Variants in PLPPR5 observed in about 807,000 individuals in gnomAD.
The protein encoded by PLPPR5 is phospholipid phosphatase related 5, also known as phospholipid phosphatase-related protein type 5.
Under a neutral mutation model 33.9 loss-of-function variants are expected in PLPPR5, and 16 were observed. The ratio of observed to expected loss-of-function variants is 0.47; its 90% confidence interval spans 0.32 to 0.72. The LOEUF is 0.72. Ranked by LOEUF, PLPPR5 falls within the 30% of genes least tolerant of loss-of-function variation. The pLI is 0.03. For missense variants in PLPPR5, 301 were observed against 406.7 expected, an observed-to-expected ratio of 0.74 and a Z score of 2.23; for synonymous variants, 163 against 150.3, an observed-to-expected ratio of 1.08 and a Z score of -0.62.
chr1:98,957,217 G>C (rs142139969), intron 1 of PLPPR5, among the ~76,000 whole-genome samples: 1 of 146,808 alleles, frequency 6.8e-6, no homozygotes, highest in Non-Finnish European at 1.5e-5. Context: ...GGATAGCATT[G>C]GGAGATATAC....
chr1:98,895,725 T>G (rs1215639307), intron 5 of PLPPR5, among the ~76,000 whole-genome samples: 4 of 152,056 alleles, frequency 2.6e-5, no homozygotes, highest in African/African-American at 9.7e-5. Context: ...CCATTTCACA[T>G]CACTTAAGTT....
intron 3 of PLPPR5, among the ~76,000 whole-genome samples, chr1:98,931,949 T>C (rs1336821257): frequency 1.3e-5 from 2 of 152,102 alleles, no homozygotes; most frequent in Non-Finnish European, 2.9e-5. Context: ...GACTGGAATA[T>C]TTAGGATGTT....
intron 3 of PLPPR5, among the ~76,000 whole-genome samples, chr1:98,949,580 C>T (rs1570725293): frequency 6.6e-6 from 1 of 152,138 alleles, no homozygotes; most frequent in South Asian, 2.1e-4. Flanking sequence ...GAATATATGG[C>T]TGTTTTCTAT....
chr1:98,942,928 G>A (rs562886251), intron 3 of PLPPR5, among the ~76,000 whole-genome samples: 14 of 152,068 alleles, frequency 9.2e-5, no homozygotes, highest in African/African-American at 3.4e-4. Flanking sequence ...ACAAAGCTGG[G>A]TGTCTTAATA....
At position 99,004,527 on chromosome 1, in the gene PLPPR5, C is replaced by T. The variant is rs771583208; in HGVS notation, c.145G>A (p.Ala49Thr). 2.5e-6 allele frequency: 4 copies of T among 1,613,046 alleles called. No individual in the cohort carries two copies. Among genetic ancestry groups the T allele is most frequent in the East Asian group, 4.5e-5 (2 of 44,836 alleles). The change falls in exon 1 of 6, where the codon GCC (alanine) becomes ACC (threonine). Residue 49 changes from alanine (A) to threonine (T), a missense_variant. By Grantham distance (58) the Ala-to-Thr change is moderately conservative (BLOSUM62 0). Coordinates refer to ENST00000263177, the MANE Select transcript of PLPPR5 (RefSeq NM_001037317.2). ...GGGCCCGGGTAGGGTTTGCGGTAGG[C>T]GCTGTCGTGGCAGAAGAAGCCCTGC... ...NVQGFFCHDS[A>T]YRKPYPGPED... is the part of the protein sequence containing the mutation.
intron 3 of PLPPR5, among the ~76,000 whole-genome samples, chr1:98,952,262 CAGAAAAAA>C (rs765935820): frequency 1.1e-4 from 12 of 113,058 alleles, no homozygotes; most frequent in Admixed American, 3.8e-4. Flanking sequence ...GACTCCGTCT[CAGAAAAAA>C]AAAAAAAAAA....
intron 1 of PLPPR5, among the ~76,000 whole-genome samples, chr1:98,979,757 C>T (rs1413623051): frequency 2.0e-5 from 3 of 151,996 alleles, no homozygotes; most frequent in African/African-American, 7.2e-5. Context: ...CATCTCACCA[C>T]CATGTTCTAT....
intron 2 of PLPPR5, among the ~76,000 whole-genome samples, chr1:98,953,967 A>C (rs1244600901): frequency 2.0e-5 from 3 of 152,162 alleles, no homozygotes; most frequent in African/African-American, 7.2e-5. Flanking sequence ...TCTTATATGG[A>C]CTGGCTTCCA....
At chr1:99,000,070 T>C (rs1301874651) in intron 1 of PLPPR5, among the ~76,000 whole-genome samples, 3 of 152,172 alleles carry the variant, frequency 2.0e-5, no homozygotes. Context: ...ACCACTGTCA[T>C]CACCAGTTCT....
rs1189399595 is a variant in PLPPR5, at chr1:99,004,408, G to A, written c.237+27C>T. Reference sequence around the variant, plus strand: ...CGAGGGGCGAGATCAGGGACTCGGCGACGAGGGCGAGCGCCCCCGGGCTTA... The same window carrying A: ...CGAGGGGCGAGATCAGGGACTCGGCAACGAGGGCGAGCGCCCCCGGGCTTA... On this transcript the variant is annotated intron_variant, in intron 1 of 5. Coordinates refer to ENST00000263177, the MANE Select transcript of PLPPR5 (RefSeq NM_001037317.2). 2.6e-6 allele frequency: 4 copies of A among 1,557,528 alleles called. No homozygotes were observed. In the African/African-American group the frequency reaches 4.1e-5, roughly 16 times the overall value.
chr1:98,919,235 G>C (rs1037484586), intron 4 of PLPPR5, among the ~76,000 whole-genome samples: 5 of 152,168 alleles, frequency 3.3e-5, no homozygotes, highest in Non-Finnish European at 7.3e-5. Context: ...ACAAGACATG[G>C]AAGAAATATT....
chr1:98,945,322 TAAGAC>T (rs1294461749), intron 3 of PLPPR5, among the ~76,000 whole-genome samples: 1 of 152,208 alleles, frequency 6.6e-6, no homozygotes, highest in Non-Finnish European at 1.5e-5. Context: ...AAATAGGACA[TAAGAC>T]AGGAATTTCT....
At chr1:98,998,438 A>T (rs1186230613) in intron 1 of PLPPR5, among the ~76,000 whole-genome samples, 5 of 152,264 alleles carry the variant, frequency 3.3e-5, no homozygotes, top group African/African-American at 1.2e-4. Flanking sequence ...TTCTGCTGCC[A>T]CCTACTCCTC....
rs1352527791 is a variant in PLPPR5 at position 98,890,300 on chromosome 1, A to G, written c.*2772T>C. On this transcript the variant is annotated 3_prime_UTR_variant, in exon 6 of 6. Transcript: ENST00000263177. ...ATTTGAAAAATACAATACACAGCAG[A>G]GAATTATTTCCTCCCCTACTGTTCT... 6.6e-6 allele frequency: 1 copy of G among 152,536 alleles called. No homozygotes were observed. The highest frequency in any genetic ancestry group is 1.5e-5 in the Non-Finnish European group (1 of 68,020). The allele number at this position is 152,536 out of a possible 1,614,324, so 9.4% of individuals were successfully genotyped here.
Position 98,921,990 on chromosome 1 carries a change from T to A in PLPPR5, c.690A>T (p.Leu230Phe), listed in dbSNP as rs974055345. 31 of 1,613,744 alleles carry A rather than the reference T, an allele frequency of 1.9e-5. No individual in the cohort carries two copies. The highest frequency in any genetic ancestry group is 2.6e-5 in the Non-Finnish European group (31 of 1,179,966). The change falls in exon 4 of 6, where the codon TTA becomes TTT. Residue 230 changes from leucine to phenylalanine, a missense_variant. Coordinates refer to ENST00000263177, the MANE Select transcript of PLPPR5 (RefSeq NM_001037317.2). ...RLAKPVLCLG[L>F]MCLAFLTGLN... is the part of the protein sequence containing the mutation. ...GTCCAGTAAGAAATGCCAAACACAT[T>A]AAGCCCAAGCATAGAACTGGCTTAG...
At chr1:98,942,721 G>A (rs1650421701) in intron 3 of PLPPR5, among the ~76,000 whole-genome samples, 1 of 152,144 alleles carries the variant, frequency 6.6e-6, no homozygotes, top group Non-Finnish European at 1.5e-5. Context: ...GAATTAAAAG[G>A]CTCCAGGAAG....
At chr1:99,003,902 A>C (rs1318799570) in intron 1 of PLPPR5, among the ~76,000 whole-genome samples, 1 of 152,182 alleles carries the variant, frequency 6.6e-6, no homozygotes, top group Non-Finnish European at 1.5e-5. Flanking sequence ...TTCCCTGGTC[A>C]GCTTAGTCCC....
intron 4 of PLPPR5, among the ~76,000 whole-genome samples, chr1:98,921,307 C>T (rs115803369): frequency 0.013 from 2,051 of 152,236 alleles, 17 homozygotes; most frequent in Middle Eastern, 0.017. Context: ...GTCTTAGAAA[C>T]TATTCATGAG....
In PLPPR5 at chr1:98,921,932, A is replaced by C. The variant is rs1249417541; in HGVS notation, c.748T>G (p.Ser250Ala). ...NRVAEYRNHW[S>A]DVIAGFLVGI... ...ACCAGAAAGCCTGCTATAACATCTG[A>C]CCAATGATTTCGATATTCTGCTACT... Residue 250 changes from serine to alanine, a missense_variant, in exon 4 of 6, where the codon TCA becomes GCA. Transcript: ENST00000263177. 6.2e-7 allele frequency: 1 copy of C among 1,614,016 alleles called. No individual in the cohort carries two copies. Among genetic ancestry groups the C allele is most frequent in the South Asian group, 1.1e-5 (1 of 91,082 alleles).
Sources: gnomAD v4.1 joint callset for allele counts (sites outside exome capture counted in the v4.1 genomes callset) on GRCh38, gnomAD v4.1.1 for gene constraint, MANE v1.5 for transcripts, NCBI Gene and HGNC (gene_info 2026-07-23, HGNC 2026-07-21) for gene names.